The following NKAIN2 variants were observed in gnomAD, a reference collection of about 807,000 sequenced individuals.
NKAIN2 encodes sodium/potassium-transporting ATPase subunit beta-1-interacting protein 2.
A neutral mutation model predicts 32.6 loss-of-function variants in NKAIN2; 14 were observed. The observed-to-expected ratio is 0.43, with a 90% CI of 0.28 to 0.67. The LOEUF (loss-of-function observed/expected upper bound fraction) is 0.67. NKAIN2 is among the 30% of genes least tolerant of loss of function. The pLI is 0.17. For missense variants in NKAIN2, 198 were observed against 258.3 expected (o/e 0.77, Z 1.60); for synonymous variants, 80 against 87.2 (o/e 0.92, Z 0.46).
chr6:124,362,306 G>A (rs140212436), intron 3 of NKAIN2, among the ~76,000 whole-genome samples: 1,728 of 151,954 alleles, frequency 0.011, 36 homozygotes, highest in African/African-American at 0.038. Flanking sequence ...AAAGATATTC[G>A]ACCTATTATT....
At chr6:124,633,490 A>G (rs764581278) in intron 3 of NKAIN2, among the ~76,000 whole-genome samples, 17 of 152,178 alleles carry the variant, frequency 1.1e-4, no homozygotes, top group Admixed American at 3.9e-4. Context: ...GCCATTCTTA[A>G]TAACTAAAAA....
intron 1 of NKAIN2, among the ~76,000 whole-genome samples, chr6:124,091,993 G>A (rs1043778827): frequency 6.6e-6 from 1 of 151,890 alleles, no homozygotes; most frequent in Non-Finnish European, 1.5e-5. Flanking sequence ...TTTTAGTTTT[G>A]CCAACACTTA....
intron 4 of NKAIN2, among the ~76,000 whole-genome samples, chr6:124,789,636 G>A (rs1333007792): frequency 6.6e-6 from 1 of 151,736 alleles, no homozygotes. Flanking sequence ...ATTTGAGTTT[G>A]GACAAATCAA....
chr6:124,451,317 C>A (rs1776098720), intron 3 of NKAIN2, among the ~76,000 whole-genome samples: 1 of 151,798 alleles, frequency 6.6e-6, no homozygotes, highest in Admixed American at 6.6e-5. Context: ...TGATGTTTGC[C>A]TTTAAAAATC....
intron 3 of NKAIN2, among the ~76,000 whole-genome samples, chr6:124,638,614 G>A (rs533984429): frequency 2.6e-5 from 4 of 152,072 alleles, no homozygotes; most frequent in Admixed American, 2.6e-4. Context: ...AAGCAAAGAG[G>A]GCCGGGCGCG....
At chr6:124,361,433 A>G (rs1799283017) in intron 3 of NKAIN2, among the ~76,000 whole-genome samples, 1 of 152,084 alleles carries the variant, frequency 6.6e-6, no homozygotes, top group South Asian at 2.1e-4. Flanking sequence ...CAATAAACTT[A>G]TAGAGCGTAA....
At chr6:124,596,676 G>GTT (rs1782103864) in intron 3 of NKAIN2, among the ~76,000 whole-genome samples, 1 of 146,894 alleles carries the variant, frequency 6.8e-6, no homozygotes. Context: ...GTGTGTGTGT[G>GTT]TGTGTGTGTG....
intron 1 of NKAIN2, among the ~76,000 whole-genome samples, chr6:124,263,028 C>T (rs151273908): frequency 6.2e-4 from 95 of 152,160 alleles, no homozygotes; most frequent in African/African-American, 1.9e-3. Context: ...AAATAGTAAC[C>T]ATTTAGTAAG....
intron 2 of NKAIN2, among the ~76,000 whole-genome samples, chr6:124,323,811 G>T (rs2626124): frequency 0.044 from 5,866 of 132,674 alleles, 261 homozygotes; most frequent in African/African-American, 0.12. Context: ...TTTCTGAGAC[G>T]GAGTCTCGCT....
chr6:124,722,250 G>T (rs1373671631), intron 4 of NKAIN2, among the ~76,000 whole-genome samples: 2 of 152,082 alleles, frequency 1.3e-5, no homozygotes, highest in East Asian at 1.9e-4. Context: ...TCACCTTTTG[G>T]CTATTGTGAA....
intron 3 of NKAIN2, among the ~76,000 whole-genome samples, chr6:124,457,379 G>A (rs1418962005): frequency 6.6e-6 from 1 of 151,966 alleles, no homozygotes; most frequent in Non-Finnish European, 1.5e-5. Flanking sequence ...TGGTATGTGT[G>A]TGAGAGAGTT....
chr6:124,183,738 G>T (rs1025453643), intron 1 of NKAIN2, among the ~76,000 whole-genome samples: 6 of 152,094 alleles, frequency 3.9e-5, no homozygotes, highest in African/African-American at 1.4e-4. Context: ...TGCCCTGCAA[G>T]TTTTTTCATA....
Position 124,083,553 on chromosome 6 carries a change from T to C in NKAIN2, c.55-199452T>C, listed in dbSNP as rs188079392. Among the ~76,000 whole-genome samples the C allele has an allele frequency of 6.7e-3, 1,014 of 152,050 alleles. 6 individuals are homozygous for C. The highest frequency in any genetic ancestry group is 0.027 in the Middle Eastern group (8 of 294). ...TAGCAATGGCTGTTTCATCAATATATACTCTTTTACTACTTCTTTATAAAA... is the reference window on the plus strand; with the variant it reads ...TAGCAATGGCTGTTTCATCAATATACACTCTTTTACTACTTCTTTATAAAA... On this transcript the variant is annotated intron_variant, in intron 1 of 6. Transcript: ENST00000368417.
At chr6:124,207,958 T>C (rs1790979675) in intron 1 of NKAIN2, among the ~76,000 whole-genome samples, 1 of 151,988 alleles carries the variant, frequency 6.6e-6, no homozygotes, top group Non-Finnish European at 1.5e-5. Context: ...GGATGAGTCT[T>C]ACTGGCTGCT....
intron 4 of NKAIN2, among the ~76,000 whole-genome samples, chr6:124,753,148 A>T (rs1016017895): frequency 1.4e-4 from 21 of 152,090 alleles, no homozygotes; most frequent in African/African-American, 4.8e-4. Context: ...GATCTTTTTC[A>T]TATGAAATTG....
At chr6:124,540,593 A>G (rs1474043785) in intron 3 of NKAIN2, among the ~76,000 whole-genome samples, 1 of 152,208 alleles carries the variant, frequency 6.6e-6, no homozygotes, top group Non-Finnish European at 1.5e-5. Flanking sequence ...TGCAAGTTAC[A>G]TCACCTCTGT....
intron 4 of NKAIN2, among the ~76,000 whole-genome samples, chr6:124,706,516 T>C (rs1234012534): frequency 6.7e-6 from 1 of 149,166 alleles, no homozygotes; most frequent in Non-Finnish European, 1.5e-5. Context: ...AAAAAAAAGA[T>C]TGAATCAAGT....
chr6:124,385,549 T>C (rs973279017), intron 3 of NKAIN2, among the ~76,000 whole-genome samples: 3 of 152,174 alleles, frequency 2.0e-5, no homozygotes, highest in African/African-American at 4.8e-5. Flanking sequence ...AACTGGAAAT[T>C]TGAATTTTTA....
chr6:124,515,604 C>A (rs1778877604), intron 3 of NKAIN2, among the ~76,000 whole-genome samples: 1 of 151,984 alleles, frequency 6.6e-6, no homozygotes, highest in Non-Finnish European at 1.5e-5. Flanking sequence ...ACCCAAAGAC[C>A]CCCCATTAGG....
Sources: allele counts gnomAD v4.1 joint callset (sites outside exome capture counted in the v4.1 genomes callset), GRCh38; gene constraint gnomAD v4.1.1; transcripts MANE v1.5; gene names NCBI Gene and HGNC (gene_info 2026-07-23, HGNC 2026-07-21).